The following MTMR1 variants were observed in gnomAD, a reference collection of about 807,000 sequenced individuals.
MTMR1 encodes the protein phosphatidylinositol-3-phosphate phosphatase MTMR1.
Under a neutral mutation model 51.6 loss-of-function variants are expected in MTMR1, and 17 were observed. That is an observed-to-expected ratio of 0.33 (90% confidence interval 0.23 to 0.49). The LOEUF is 0.49. Among genes scored for constraint, MTMR1 ranks in the 20% least tolerant of loss-of-function variants. The pLI, the probability that MTMR1 is intolerant of heterozygous loss-of-function variation, is 0.99. For missense variants in MTMR1, 386 were observed against 526.9 expected, an observed-to-expected ratio of 0.73 and a Z score of 2.62; for synonymous variants, 201 against 205.6, an observed-to-expected ratio of 0.98 and a Z score of 0.19.
chrX:150,717,045 C>T (rs1479191589), intron 3 of MTMR1, among the ~76,000 whole-genome samples: 2 of 110,920 alleles, frequency 1.8e-5, no homozygotes, highest in African/African-American at 6.6e-5. Flanking sequence ...TGCATTGACA[C>T]ACTAAAGATG....
intron 14 of MTMR1, among the ~76,000 whole-genome samples, chrX:150,752,841 T>G (rs1158221625): frequency 9.0e-6 from 1 of 110,865 alleles, no homozygotes; most frequent in African/African-American, 3.3e-5. Context: ...GGGGTCTTGC[T>G]GTGTTGCCCA....
intron 6 of MTMR1, 34 bp downstream of exon 6, chrX:150,727,825 G>A (rs2041989674): frequency 1.9e-6 from 2 of 1,059,222 alleles, no homozygotes; most frequent in Non-Finnish European, 2.6e-6. Flanking sequence ...AACTAAAAGA[G>A]GGCAATCAGC....
intron 15 of MTMR1, among the ~76,000 whole-genome samples, chrX:150,758,652 G>A (rs1238526084): frequency 3.6e-5 from 4 of 110,855 alleles, no homozygotes; most frequent in African/African-American, 9.9e-5. Flanking sequence ...TTAGCCAGGT[G>A]TGGTGGTGCA....
chrX:150,736,522 G>C, intron 10 of MTMR1, 73 bp from the exon 11 acceptor site: 1 of 1,011,533 alleles, frequency 9.9e-7, no homozygotes, highest in Non-Finnish European at 1.4e-6. Context: ...TTAGTGGTCT[G>C]TATCTCATAG....
chrX:150,758,493 T>A (rs1312367638), intron 15 of MTMR1, among the ~76,000 whole-genome samples: 1 of 111,958 alleles, frequency 8.9e-6, no homozygotes, highest in Admixed American at 9.5e-5. Context: ...TTCCTCTTTT[T>A]AAAAAAATTT....
chrX:150,736,710 T>C lies in MTMR1; in HGVS notation c.1196T>C (p.Val399Ala). ...TCACTACGCAAATTAAAAGAGATTG[T>C]GTACCCTTCGATCGATGAGGCGCGG... ...RESLRKLKEIVYPSIDEARWL... is the reference protein window; with the variant it reads ...RESLRKLKEIAYPSIDEARWL... The change falls in exon 11 of 16, where the codon GTG becomes GCG. Residue 399 changes from valine (V) to alanine (A), a missense_variant. Val to Ala is a moderately conservative substitution (Grantham distance 64). Transcript: ENST00000445323. The C allele has an allele frequency of 8.3e-7, 1 of 1,211,622 alleles. No homozygotes were observed. The highest frequency in any genetic ancestry group is 1.1e-6 in the Non-Finnish European group (1 of 895,346).
rs191343478 is a variant in MTMR1 at position 150,717,015 on chromosome X, G to A, written c.277-1610G>A. Among the ~76,000 whole-genome samples the A allele has an allele frequency of 1.8e-3, 199 of 111,206 alleles. 3 individuals carry two copies. In the South Asian group the frequency reaches 0.032, roughly 18 times the overall value. On this transcript the variant is annotated intron_variant, in intron 3 of 15. Coordinates refer to ENST00000445323, the MANE Select transcript of MTMR1 (RefSeq NM_001306144.3). ...TATGAGGAATGCATTATACTGTGGC[G>A]CCCTCTTGCGGATTCGGTGTGCATT...
chrX:150,709,853 CTG>C (rs2041247801), intron 2 of MTMR1, among the ~76,000 whole-genome samples: 1 of 112,486 alleles, frequency 8.9e-6, no homozygotes, highest in Non-Finnish European at 1.9e-5. Flanking sequence ...ACCTCCAACA[CTG>C]GGGATTAGAA....
At chrX:150,717,626 G>A (rs2041586275) in intron 3 of MTMR1, among the ~76,000 whole-genome samples, 1 of 110,025 alleles carries the variant, frequency 9.1e-6, no homozygotes, top group Non-Finnish European at 1.9e-5. Context: ...CGGTACCTTG[G>A]AATAGACCCC....
In MTMR1 at chrX:150,704,475, A is replaced by G. The variant is rs1471583730; in HGVS notation, c.252+5175A>G. The stretch of plus-strand genomic sequence containing the variant: ...GGTGGTGTCAGGGGAGACTGAGTGA[A>G]GAGTCATGACTTTCACTGTCATCTA... On this transcript the variant is annotated intron_variant, in intron 2 of 15. Transcript: ENST00000445323. 1.8e-5 allele frequency among the ~76,000 whole-genome samples: 2 copies of G among 111,953 alleles called. 1 individual carries two copies. Among genetic ancestry groups the G allele is most frequent in the Admixed American group, 1.9e-4 (2 of 10,634 alleles).
At chrX:150,698,680 G>GCACACACACACACACACACACA in intron 1 of MTMR1, among the ~76,000 whole-genome samples, 1 of 62,964 alleles carries the variant, frequency 1.6e-5, no homozygotes, top group East Asian at 4.7e-4. Context: ...ACACGCGCGC[G>GCACACACACACACACACACACA]CACACACACA....
At chrX:150,719,497 T>C (rs530315267) in intron 4 of MTMR1, among the ~76,000 whole-genome samples, 186 of 111,805 alleles carry the variant, frequency 1.7e-3, no homozygotes, top group African/African-American at 5.7e-3. Flanking sequence ...TGAAATTCTT[T>C]ATTTCCTTGG....
At position 150,729,218 on chromosome X, in the gene MTMR1, CCACACA is replaced by C. The variant is rs57306023; in HGVS notation, c.556-868_556-863del. On this transcript the variant is annotated intron_variant, in intron 6 of 15. Transcript: ENST00000445323. ...GGTGGTTCATACTTGACACACCCAC[CCACACA>C]CACACACACACACACACACACATCC... Among the ~76,000 whole-genome samples the C allele has an allele frequency of 2.5e-3, 246 of 100,123 alleles. 1 individual carries two copies. Among genetic ancestry groups the C allele is most frequent in the African/African-American group, 8.4e-3 (232 of 27,675 alleles). 86.9% of individuals were successfully genotyped at this position (100,123 alleles called of 115,157 possible). A position where few individuals can be genotyped will look rare whatever the true frequency, so the allele number is the denominator to read the frequency against.
intron 12 of MTMR1, among the ~76,000 whole-genome samples, chrX:150,742,163 A>G (rs782333253): frequency 5.4e-5 from 6 of 112,105 alleles, no homozygotes; most frequent in Non-Finnish European, 1.1e-4. Flanking sequence ...GTGATTTTGT[A>G]ATTGTGTGGA....
chrX:150,759,499 C>A (rs782508794), intron 15 of MTMR1, among the ~76,000 whole-genome samples: 1 of 100,135 alleles, frequency 1.0e-5, no homozygotes, highest in Admixed American at 1.0e-4. Context: ...TCGATTACTG[C>A]AGGAGACCCC....
chrX:150,713,836 T>C (rs782689757), intron 3 of MTMR1, among the ~76,000 whole-genome samples: 7 of 111,528 alleles, frequency 6.3e-5, no homozygotes, highest in Non-Finnish European at 1.1e-4. Context: ...TAGAAATATT[T>C]AATATGATAT....
intron 12 of MTMR1, among the ~76,000 whole-genome samples, chrX:150,743,632 T>G (rs182643821): frequency 2.8e-4 from 31 of 112,238 alleles, no homozygotes; most frequent in African/African-American, 8.7e-4. Flanking sequence ...TTTCCCCACA[T>G]CCTTTTGCTC....
intron 3 of MTMR1, 117 bp downstream of exon 3, chrX:150,712,482 G>C: frequency 4.4e-6 from 3 of 685,480 alleles, no homozygotes; most frequent in Non-Finnish European, 6.5e-6. Context: ...GAATCACTCA[G>C]ATCAATTTGC....
chrX:150,736,534 A>G, intron 10 of MTMR1, 61 bp from the exon 11 acceptor site: 5 of 1,075,125 alleles, frequency 4.7e-6, no homozygotes, highest in Non-Finnish European at 6.4e-6. Context: ...ATCTCATAGC[A>G]CTAGAAAGAA....
Sources: gnomAD v4.1 joint callset for allele counts (sites outside exome capture counted in the v4.1 genomes callset) on GRCh38, gnomAD v4.1.1 for gene constraint, MANE v1.5 for transcripts, NCBI Gene and HGNC (gene_info 2026-07-23, HGNC 2026-07-21) for gene names.